The following PTBP2 variants were observed in gnomAD, a reference collection of about 807,000 sequenced individuals.
The protein encoded by PTBP2 is polypyrimidine tract-binding protein 2.
PTBP2 carries 13 observed loss-of-function variants against 61.4 expected under a neutral mutation model. That is an observed-to-expected ratio of 0.21 (90% CI 0.14 to 0.34). The LOEUF is 0.34. Ranked by LOEUF, PTBP2 falls within the 10% of genes least tolerant of loss-of-function variation. The probability of loss-of-function intolerance (pLI) is 1.00; values close to 1 mark genes in which losing one functional copy is unlikely to be tolerated. For missense variants in PTBP2, 405 were observed against 642.6 expected, an observed-to-expected ratio of 0.63 and a Z score of 4.00; for synonymous variants, 215 against 218.5, an observed-to-expected ratio of 0.98 and a Z score of 0.14.
intron 2 of PTBP2, among the ~76,000 whole-genome samples, chr1:96,736,596 A>C (rs894776240): frequency 1.3e-5 from 2 of 152,196 alleles, no homozygotes; most frequent in African/African-American, 4.8e-5. Context: ...AAATATCCCA[A>C]GTTTTCATAT....
At chr1:96,764,608 T>C (rs1467817783) in intron 3 of PTBP2, among the ~76,000 whole-genome samples, 1 of 152,234 alleles carries the variant, frequency 6.6e-6, no homozygotes, top group African/African-American at 2.4e-5. Context: ...ACATTTTACT[T>C]AGAACTCTTT....
rs143570175 is a variant in PTBP2, at chr1:96,751,392, A to G, written c.40-33A>G. On this transcript the variant is annotated intron_variant, in intron 2 of 13. Transcript: ENST00000674951. ...TAGATTAATATTTTTAAATTTAAAG[A>G]TGTCTTATGCTAATTTGTTTTTGTT... is the stretch of plus-strand genomic sequence containing the variant. 1.1e-4 allele frequency: 156 copies of G among 1,484,826 alleles called. No homozygotes were observed. The African/African-American group carries it at 2.0e-3, about 19-fold the overall frequency. The allele number at this position is 1,484,826 out of a possible 1,614,324, so 92.0% of individuals were successfully genotyped here. A position where few individuals can be genotyped will look rare whatever the true frequency, so the allele number is the denominator to read the frequency against.
chr1:96,811,056 CT>C (rs953809460), intron 11 of PTBP2, among the ~76,000 whole-genome samples: 50 of 142,338 alleles, frequency 3.5e-4, no homozygotes, highest in African/African-American at 4.1e-4. Context: ...AGAGTGGACT[CT>C]TTTTTTTTTT....
intron 7 of PTBP2, among the ~76,000 whole-genome samples, chr1:96,778,357 T>C (rs1658273951): frequency 1.3e-5 from 2 of 149,210 alleles, no homozygotes; most frequent in South Asian, 4.3e-4. Flanking sequence ...GCTCTCAGTT[T>C]ATTTAAAACT....
At chr1:96,771,042 G>C (rs1657319131) in intron 5 of PTBP2, 191 bp downstream of exon 5, 1 of 429,416 alleles carries the variant, frequency 2.3e-6, no homozygotes, top group Non-Finnish European at 4.0e-6. Context: ...TTAATCCCCT[G>C]GTCAAATGTT....
intron 2 of PTBP2, among the ~76,000 whole-genome samples, chr1:96,726,473 G>A (rs1228608102): frequency 2.1e-5 from 3 of 144,248 alleles, no homozygotes; most frequent in Non-Finnish European, 4.5e-5. Flanking sequence ...AGTCTCGCCC[G>A]GTCTCCCAGG....
rs367550804 is a variant in PTBP2, at chr1:96,770,693, T to C, written c.289-15T>C. 1 of 1,600,408 alleles carries C rather than the reference T, an allele frequency of 6.2e-7. No homozygotes were observed. The highest frequency in any genetic ancestry group is 1.1e-5 in the South Asian group (1 of 90,166). ...GAATTTATAGTATTAAAAATTGTGC[T>C]ACTTAAATTTTCAGGCATTTTTGGA... On this transcript the variant is annotated splice_polypyrimidine_tract_variant and intron_variant, in intron 4 of 13. Transcript: ENST00000674951.
At chr1:96,811,219 T>C (rs879209432) in intron 11 of PTBP2, among the ~76,000 whole-genome samples, 2 of 152,184 alleles carry the variant, frequency 1.3e-5, no homozygotes, top group Admixed American at 6.5e-5. Flanking sequence ...CCTTTTCAGA[T>C]CTGTTTTATA....
intron 5 of PTBP2, chr1:96,771,414 A>G (rs1269076829): frequency 1.3e-5 from 2 of 151,940 alleles, no homozygotes; most frequent in African/African-American, 4.8e-5. Context: ...CTGTTTTAAT[A>G]TAGTTTTAAA....
At chr1:96,737,885 T>TC (rs1347857637) in intron 2 of PTBP2, among the ~76,000 whole-genome samples, 1 of 152,156 alleles carries the variant, frequency 6.6e-6, no homozygotes, top group Admixed American at 6.5e-5. Context: ...TAGTAACGTT[T>TC]CTTTTTTTTT....
chr1:96,725,675 T>G (rs1650338602), intron 2 of PTBP2, among the ~76,000 whole-genome samples: 1 of 152,144 alleles, frequency 6.6e-6, no homozygotes, highest in East Asian at 1.9e-4. Flanking sequence ...TCTGGAATAA[T>G]GGTTAAGAAT....
chr1:96,796,557 A>G (rs867741088), intron 8 of PTBP2, among the ~76,000 whole-genome samples: 3 of 152,158 alleles, frequency 2.0e-5, no homozygotes, highest in South Asian at 2.1e-4. Context: ...TCAAAAATGG[A>G]CTGGAAATTC....
intron 7 of PTBP2, among the ~76,000 whole-genome samples, chr1:96,782,865 G>GCTTT (rs1271548982): frequency 2.0e-5 from 3 of 151,896 alleles, no homozygotes; most frequent in Non-Finnish European, 4.4e-5. Context: ...CTTTAATTAT[G>GCTTT]CTTTCTGTGC....
chr1:96,759,239 T>G (rs967119722), intron 3 of PTBP2, among the ~76,000 whole-genome samples: 1 of 152,172 alleles, frequency 6.6e-6, no homozygotes, highest in African/African-American at 2.4e-5. Flanking sequence ...CTATAAAGAC[T>G]TATAAATTGA....
chr1:96,781,947 GCTTT>G (rs1658719565), intron 7 of PTBP2, among the ~76,000 whole-genome samples: 1 of 151,846 alleles, frequency 6.6e-6, no homozygotes, highest in African/African-American at 2.4e-5. Context: ...TCTTCTCTTG[GCTTT>G]CTAATTCAGC....
chr1:96,753,736 CT>C (rs1171251931), intron 3 of PTBP2, among the ~76,000 whole-genome samples: 6 of 150,818 alleles, frequency 4.0e-5, no homozygotes, highest in Admixed American at 2.6e-4. Context: ...AGATAAAAAA[CT>C]ATAAAGAAAG....
chr1:96,770,926 A>G (rs1657305987), intron 5 of PTBP2, 75 bp downstream of exon 5: 9 of 1,293,658 alleles, frequency 7.0e-6, no homozygotes, highest in Non-Finnish European at 9.9e-6. Flanking sequence ...TAGGAAGGAA[A>G]TGTTTACCTG....
At chr1:96,739,586 T>G (rs978666687) in intron 2 of PTBP2, among the ~76,000 whole-genome samples, 10 of 150,632 alleles carry the variant, frequency 6.6e-5, no homozygotes, top group Non-Finnish European at 3.0e-5. Flanking sequence ...AAATCCAAAG[T>G]CTGAATGCTA....
intron 3 of PTBP2, among the ~76,000 whole-genome samples, chr1:96,761,347 TGTGTG>T (rs1557720573): frequency 1.3e-4 from 1 of 7,996 alleles, no homozygotes; most frequent in Admixed American, 1.3e-3. Flanking sequence ...TGGGATTTGA[TGTGTG>T]TGTGTGTGTG....
Sources: allele counts gnomAD v4.1 joint callset (sites outside exome capture counted in the v4.1 genomes callset), GRCh38; gene constraint gnomAD v4.1.1; transcripts MANE v1.5; gene names NCBI Gene and HGNC (gene_info 2026-07-23, HGNC 2026-07-21).